LPO: variants seen among roughly 807,000 people sequenced by gnomAD.
The protein encoded by LPO is salivary peroxidase.
In LPO, 70 loss-of-function variants were observed where a neutral mutation model predicts 68.4. That is an observed-to-expected ratio of 1.02 (90% CI 0.84 to 1.25). The LOEUF (loss-of-function observed/expected upper bound fraction) is 1.25, where lower values mean the gene tolerates loss of function less well. LPO is among the 50% of genes most tolerant of loss of function. The pLI is 0.00. For missense variants in LPO, 873 were observed against 908.4 expected (o/e 0.96, Z 0.50); for synonymous variants, 360 against 357.6 (o/e 1.01, Z -0.08).
chr17:58,266,971 T>C (rs1404405940), intron 11 of LPO, among the ~76,000 whole-genome samples: 1 of 152,334 alleles, frequency 6.6e-6, no homozygotes, highest in Admixed American at 6.5e-5. Flanking sequence ...TTTGTCCCCA[T>C]GAAAGGCAAT....
At chr17:58,253,834 G>A (rs1970009994) in intron 8 of LPO, among the ~76,000 whole-genome samples, 1 of 152,142 alleles carries the variant, frequency 6.6e-6, no homozygotes, top group African/African-American at 2.4e-5. Context: ...TTCCTGGCCT[G>A]GTGCAGTGGC....
Position 58,266,339 on chromosome 17 carries a change from A to G in LPO, c.1693+13A>G. The G allele has an allele frequency of 6.2e-7, 1 of 1,613,534 alleles. No homozygotes were observed. Among genetic ancestry groups the G allele is most frequent in the Non-Finnish European group, 8.5e-7 (1 of 1,179,880 alleles). ...CATGGGCAACCTGGTGAGTGTCTGA[A>G]GTCTGGCCTGCACTGGGGAAATTTT... On this transcript the variant is annotated intron_variant, in intron 11 of 12. Transcript: ENST00000262290.
chr17:58,249,286 C>T lies in LPO; in HGVS notation c.443+109C>T, dbSNP rs112047051. ...GGCAGATCTGCCACTGCCTTGCCCA[C>T]CTGGGCTGGCGTTCCCACCTTCCCC... is the stretch of plus-strand genomic sequence containing the variant. On this transcript the variant is annotated intron_variant, in intron 5 of 12. Coordinates refer to ENST00000262290, the MANE Select transcript of LPO (RefSeq NM_006151.3). 82 of 1,046,432 alleles carry T rather than the reference C, an allele frequency of 7.8e-5. No homozygotes were observed. In the African/African-American group the frequency reaches 1.1e-3, roughly 14 times the overall value. 64.8% of individuals were successfully genotyped at this position (1,046,432 alleles called of 1,614,324 possible).
intron 1 of LPO, among the ~76,000 whole-genome samples, chr17:58,240,434 C>G (rs887724786): frequency 1.1e-4 from 17 of 152,240 alleles, no homozygotes; most frequent in African/African-American, 3.9e-4. Context: ...GCCTCTTACA[C>G]TCTAAAGCCC....
At position 58,247,496 on chromosome 17, in the gene LPO, C is replaced by T; in HGVS notation, c.183C>T (p.Ser61=). ...ACTGTAGGCTGAAGACCGCCATGAG[C>T]TCTGAGACTCCCACCAGCCGACAGC... ...DSRTRLKTAM[S]SETPTSRQLS... Residue 61 remains serine (S), a synonymous_variant, in exon 4 of 13, where the codon AGC becomes AGT. Coordinates refer to ENST00000262290, the MANE Select transcript of LPO (RefSeq NM_006151.3). The T allele has an allele frequency of 6.2e-7, 1 of 1,613,846 alleles. No individual in the cohort carries two copies. The highest frequency in any genetic ancestry group is 8.5e-7 in the Non-Finnish European group (1 of 1,179,880).
chr17:58,243,209 T>C, intron 2 of LPO, 154 bp downstream of exon 2: 2 of 664,716 alleles, frequency 3.0e-6, no homozygotes, highest in South Asian at 1.8e-5. Context: ...CTGAAGGCTC[T>C]AGGGAAGAAT....
intron 9 of LPO, among the ~76,000 whole-genome samples, chr17:58,261,341 A>C (rs1210113657): frequency 6.6e-6 from 1 of 152,132 alleles, no homozygotes; most frequent in African/African-American, 2.4e-5. Context: ...GGATTGCTTC[A>C]TCTTCTTGAT....
At chr17:58,249,798 A>T in intron 6 of LPO, 103 bp downstream of exon 6, 1 of 1,413,534 alleles carries the variant, frequency 7.1e-7, no homozygotes, top group Non-Finnish European at 9.3e-7. Flanking sequence ...TGGGGGCAGC[A>T]GGGGTGCGCG....
chr17:58,265,346 T>C (rs1190348227), intron 10 of LPO, among the ~76,000 whole-genome samples: 1 of 152,140 alleles, frequency 6.6e-6, no homozygotes, highest in East Asian at 1.9e-4. Flanking sequence ...AATAAATTGC[T>C]CTTTTCTGAT....
intron 2 of LPO, chr17:58,243,636 T>C (rs1365801937): frequency 1.5e-5 from 5 of 325,506 alleles, no homozygotes; most frequent in Non-Finnish European, 2.9e-5. Context: ...CAGTGGGTCC[T>C]CTTTGATGAA....
At position 58,266,149 on chromosome 17, in the gene LPO, G is replaced by A. The variant is rs1279225940; in HGVS notation, c.1520-4G>A. The stretch of plus-strand genomic sequence containing the variant: ...AAGCATGGCTTCTGGGTCTCCCTTG[G>A]CAGGTGGAATTGATCCTCTGGTGCG... On this transcript the variant is annotated splice_polypyrimidine_tract_variant and splice_region_variant and intron_variant, in intron 10 of 12. Transcript: ENST00000262290. 3.7e-6 allele frequency: 6 copies of A among 1,613,554 alleles called. No homozygotes were observed. In the South Asian group the frequency reaches 5.5e-5, roughly 15 times the overall value.
Position 58,266,164 on chromosome 17 carries a change from C to T in LPO, c.1531C>T (p.Pro511Ser), listed in dbSNP as rs780765236. Reference sequence around the variant, plus strand: ...GTCTCCCTTGGCAGGTGGAATTGATCCTCTGGTGCGGGGCCTGCTGGCCAA... The same window carrying T: ...GTCTCCCTTGGCAGGTGGAATTGATTCTCTGGTGCGGGGCCTGCTGGCCAA... ...WRMVKDGGIDPLVRGLLAKKS... is the reference protein window; with the variant it reads ...WRMVKDGGIDSLVRGLLAKKS... Residue 511 changes from proline (P) to serine (S), a missense_variant, in exon 11 of 13, where the codon CCT becomes TCT. By Grantham distance (74) the Pro-to-Ser change is moderately conservative. Transcript: ENST00000262290. 24 of 1,613,756 alleles carry T rather than the reference C, an allele frequency of 1.5e-5. No homozygotes were observed. In the South Asian group the frequency reaches 2.3e-4, roughly 16 times the overall value.
chr17:58,251,638 T>G (rs929536046), intron 7 of LPO: 1 of 346,402 alleles, frequency 2.9e-6, no homozygotes, highest in African/African-American at 2.1e-5. Flanking sequence ...AACTGTGGAA[T>G]GAAGCCAATG....
chr17:58,244,457 C>T (rs1026756135), intron 3 of LPO: 3 of 221,392 alleles, frequency 1.4e-5, no homozygotes, highest in Non-Finnish European at 1.8e-5. Context: ...CACCAGAAGC[C>T]GAATCCGAGC....
At chr17:58,252,022 G>A in intron 7 of LPO, 160 bp from the exon 8 acceptor site, 1 of 762,600 alleles carries the variant, frequency 1.3e-6, no homozygotes, top group Non-Finnish European at 2.4e-6. Context: ...TGAGCCCAGG[G>A]TGTGTAATGT....
In LPO at chr17:58,252,207, G is replaced by A; in HGVS notation, c.806G>A (p.Gly269Glu). Residue 269 changes from glycine (G) to glutamate (E), a missense_variant, in exon 8 of 13, where the codon GGG (glycine) becomes GAG (glutamate). Coordinates refer to ENST00000262290, the MANE Select transcript of LPO (RefSeq NM_006151.3). ...IMFPPNDPKAGTQGKCMPFFR... is the reference protein window; with the variant it reads ...IMFPPNDPKAETQGKCMPFFR... ...TTCCCACCCAATGACCCCAAGGCGG[G>A]GACTCAAGGGAAATGCATGCCTTTC... The A allele has an allele frequency of 6.2e-7, 1 of 1,614,074 alleles. No individual in the cohort carries two copies. Among genetic ancestry groups the A allele is most frequent in the Non-Finnish European group, 8.5e-7 (1 of 1,180,014 alleles).
In LPO at chr17:58,268,427, T is replaced by C. The variant is rs1263908681; in HGVS notation, c.*433T>C. ...ATTAGAAGTGCTCAAAAACATCTGA[T>C]GACTGACTAAAGATGCTAGGCGTGA... is the stretch of plus-strand genomic sequence containing the variant. On this transcript the variant is annotated 3_prime_UTR_variant, in exon 13 of 13. Transcript: ENST00000262290. 5.7e-6 allele frequency: 1 copy of C among 176,216 alleles called. No individual in the cohort carries two copies. The highest frequency in any genetic ancestry group is 2.4e-5 in the African/African-American group (1 of 41,898). 10.9% of individuals were successfully genotyped at this position (176,216 alleles called of 1,614,324 possible). A position where few individuals can be genotyped will look rare whatever the true frequency, so the allele number is the denominator to read the frequency against.
At chr17:58,258,864 C>T (rs531025621) in intron 9 of LPO, among the ~76,000 whole-genome samples, 1 of 152,302 alleles carries the variant, frequency 6.6e-6, no homozygotes, top group African/African-American at 2.4e-5. Context: ...GCCACTTGTG[C>T]ATCCTCTTCA....
chr17:58,253,541 C>T (rs773773798), intron 8 of LPO, among the ~76,000 whole-genome samples: 9 of 152,168 alleles, frequency 5.9e-5, no homozygotes, highest in African/African-American at 1.7e-4. Flanking sequence ...AGCCTGTGCA[C>T]GACCAAAGCC....
Sources: allele counts gnomAD v4.1 joint callset (sites outside exome capture counted in the v4.1 genomes callset), GRCh38; gene constraint gnomAD v4.1.1; transcripts MANE v1.5; gene names NCBI Gene and HGNC (gene_info 2026-07-23, HGNC 2026-07-21).